Variants in WT1 observed in about 807,000 individuals in gnomAD.
WT1 encodes WT1 transcription factor.
A neutral mutation model predicts 60.8 loss-of-function variants in WT1; 8 were observed. That is an observed-to-expected ratio of 0.13 (90% confidence interval 0.08 to 0.24). WT1 has a LOEUF of 0.24. Among genes scored for constraint, WT1 ranks in the 10% least tolerant of loss-of-function variants. The pLI, the probability that WT1 is intolerant of heterozygous loss-of-function variation, is 1.00. For missense variants in WT1, 568 were observed against 711.8 expected, an observed-to-expected ratio of 0.80 and a Z score of 2.30; for synonymous variants, 312 against 297.1, an observed-to-expected ratio of 1.05 and a Z score of -0.52.
chr11:32,398,945 A>G (rs890636239), intron 6 of WT1, among the ~76,000 whole-genome samples: 1 of 151,488 alleles, frequency 6.6e-6, no homozygotes, highest in Non-Finnish European at 1.5e-5. Context: ...TCACCAGGTC[A>G]GGAGATCAAG....
At chr11:32,399,249 T>C (rs1025848398) in intron 6 of WT1, among the ~76,000 whole-genome samples, 4 of 149,574 alleles carry the variant, frequency 2.7e-5, no homozygotes, top group Admixed American at 2.7e-4. Context: ...GTAGGGAATT[T>C]TAAGGGCAGT....
chr11:32,399,000 C>G (rs1371578221), intron 6 of WT1, among the ~76,000 whole-genome samples: 1 of 151,080 alleles, frequency 6.6e-6, no homozygotes, highest in Non-Finnish European at 1.5e-5. Flanking sequence ...ACTAAAAATA[C>G]AAAAAATTAG....
chr11:32,393,887 C>A (rs1186594632), intron 7 of WT1, among the ~76,000 whole-genome samples: 1 of 152,070 alleles, frequency 6.6e-6, no homozygotes, highest in South Asian at 2.1e-4. Flanking sequence ...AGGGCTGGAG[C>A]CTTTTTATTT....
At position 32,435,336 on chromosome 11, in the gene WT1, G is replaced by T. The variant is rs1314273962; in HGVS notation, c.25C>A (p.Pro9Thr). 7.8e-6 allele frequency: 12 copies of T among 1,531,988 alleles called. 1 individual carries two copies. The South Asian group carries it at 1.4e-4, about 18-fold the overall frequency. The allele number at this position is 1,531,988 out of a possible 1,614,324, so 94.9% of individuals were successfully genotyped here. A position where few individuals can be genotyped will look rare whatever the true frequency, so the allele number is the denominator to read the frequency against. The change falls in exon 1 of 10, where the codon CCG (proline) becomes ACG (threonine). Residue 9 changes from proline (P) to threonine (T), a missense_variant. Physicochemically the swap from Pro to Thr is conservative, Grantham distance 38. Transcript: ENST00000452863. The stretch of plus-strand genomic sequence containing the variant: ...GGCTCCGGGACACACGTGGAAGCCG[G>T]GTCCTGCAGCAAGAGGAAGTCCAGG...
At chr11:32,429,980 A>G (rs1293453777) in intron 1 of WT1, among the ~76,000 whole-genome samples, 1 of 124,632 alleles carries the variant, frequency 8.0e-6, no homozygotes. Context: ...CCCGCCCAGA[A>G]AAAAAAAAAA....
At chr11:32,396,149 G>A (rs1851962351) in intron 7 of WT1, 108 bp downstream of exon 7, 2 of 1,512,780 alleles carry the variant, frequency 1.3e-6, no homozygotes, top group Non-Finnish European at 1.8e-6. Flanking sequence ...TTTCAAAGCA[G>A]TGCTTACTTT....
At chr11:32,392,625 A>G (rs2132918662) in intron 8 of WT1, 41 bp downstream of exon 8, 1 of 1,587,892 alleles carries the variant, frequency 6.3e-7, no homozygotes, top group Non-Finnish European at 8.6e-7. Flanking sequence ...CCCTAGCCCA[A>G]GGGAACACAG....
chr11:32,393,711 C>T (rs939977850), intron 7 of WT1, among the ~76,000 whole-genome samples: 1 of 152,218 alleles, frequency 6.6e-6, no homozygotes, highest in Non-Finnish European at 1.5e-5. Flanking sequence ...ATCTCCACAT[C>T]GAAAAGTCTC....
At chr11:32,430,686 C>T in intron 1 of WT1, 2 of 1,425,388 alleles carry the variant, frequency 1.4e-6, no homozygotes, top group Non-Finnish European at 1.8e-6. Context: ...GAACTCGGGC[C>T]CAAGGATGCC....
chr11:32,405,314 T>G (rs1201348382), intron 5 of WT1, among the ~76,000 whole-genome samples: 1 of 152,140 alleles, frequency 6.6e-6, no homozygotes, highest in Non-Finnish European at 1.5e-5. Context: ...AATCTGGACT[T>G]TTTTGAGAGC....
chr11:32,403,738 C>T (rs556969510), intron 5 of WT1, among the ~76,000 whole-genome samples: 5 of 151,984 alleles, frequency 3.3e-5, no homozygotes, highest in African/African-American at 1.2e-4. Context: ...CCACGCCCGG[C>T]TAATTTTTTT....
intron 5 of WT1, among the ~76,000 whole-genome samples, chr11:32,413,841 A>T (rs1852579115): frequency 6.6e-6 from 1 of 152,186 alleles, no homozygotes. Context: ...GCTCTAATCT[A>T]GGGCCCAGGT....
At chr11:32,399,297 G>T (rs1290699163) in intron 6 of WT1, among the ~76,000 whole-genome samples, 6 of 152,076 alleles carry the variant, frequency 3.9e-5, no homozygotes, top group Non-Finnish European at 7.4e-5. Context: ...ATAGGTACAT[G>T]GCATTATGCA....
chr11:32,414,456 G>A (rs1433065042), intron 5 of WT1, among the ~76,000 whole-genome samples: 2 of 152,036 alleles, frequency 1.3e-5, no homozygotes, highest in Non-Finnish European at 2.9e-5. Context: ...TGTATTTTTT[G>A]TAGAGAAAGG....
At position 32,388,003 on chromosome 11, in the gene WT1, AAC is replaced by A. The variant is rs58549495; in HGVS notation, c.*1053_*1054del. On this transcript the variant is annotated 3_prime_UTR_variant, in exon 10 of 10. Transcript: ENST00000452863. ...TCCCTTAAAAAACAAAACACAACAC[AAC>A]ACACACACACACACACACACACACA... is the stretch of plus-strand genomic sequence containing the variant. The A allele has an allele frequency of 0.07, 15,405 of 221,548 alleles. 195 individuals carry two copies. The highest frequency in any genetic ancestry group is 0.11 in the Middle Eastern group (81 of 730). The allele number at this position is 221,548 out of a possible 1,614,324, so 13.7% of individuals were successfully genotyped here.
chr11:32,407,550 C>T (rs79026725), intron 5 of WT1, among the ~76,000 whole-genome samples: 15,494 of 152,182 alleles, frequency 0.1, 1,206 homozygotes, highest in African/African-American at 0.22. Flanking sequence ...CCATCTTCAC[C>T]TCCGTCTTCT....
chr11:32,394,420 C>T (rs758892152), intron 7 of WT1, among the ~76,000 whole-genome samples: 24 of 152,284 alleles, frequency 1.6e-4, no homozygotes, highest in African/African-American at 5.5e-4. Flanking sequence ...CCAAACCCCT[C>T]GGTACCTCCT....
At chr11:32,423,767 T>C (rs1590385406) in intron 3 of WT1, among the ~76,000 whole-genome samples, 1 of 152,114 alleles carries the variant, frequency 6.6e-6, no homozygotes, top group East Asian at 1.9e-4. Context: ...CTTCAGAGAG[T>C]CACTAGGTAG....
intron 1 of WT1, among the ~76,000 whole-genome samples, chr11:32,429,280 C>T (rs1306986076): frequency 6.6e-6 from 1 of 152,166 alleles, no homozygotes; most frequent in Non-Finnish European, 1.5e-5. Flanking sequence ...CTCCTCCCCC[C>T]TATGGGACCC....
Sources: allele counts gnomAD v4.1 joint callset (sites outside exome capture counted in the v4.1 genomes callset), GRCh38; gene constraint gnomAD v4.1.1; transcripts MANE v1.5; gene names NCBI Gene and HGNC (gene_info 2026-07-23, HGNC 2026-07-21).